The following SLC44A5 variants were observed in gnomAD, a reference collection of about 807,000 sequenced individuals.
SLC44A5 encodes choline transporter-like protein 5.
SLC44A5 carries 57 observed loss-of-function variants against 101.8 expected under a neutral mutation model. The observed-to-expected ratio is 0.56, with a 90% CI of 0.45 to 0.70. The LOEUF is 0.70. Among genes scored for constraint, SLC44A5 ranks in the 30% least tolerant of loss-of-function variants. The pLI is 0.00. For synonymous variants in SLC44A5, 281 were observed against 290.9 expected, an observed-to-expected ratio of 0.97 and a Z score of 0.35; for missense variants, 737 against 853.1, an observed-to-expected ratio of 0.86 and a Z score of 1.70.
At chr1:75,295,461 A>C (rs1443859287) in intron 5 of SLC44A5, among the ~76,000 whole-genome samples, 2 of 152,240 alleles carry the variant, frequency 1.3e-5, no homozygotes, top group African/African-American at 4.8e-5. Context: ...AGGATAGATC[A>C]GATTGACTCT....
At position 75,305,290 on chromosome 1, in the gene SLC44A5, G is replaced by A. The variant is rs563480214; in HGVS notation, c.102-4605C>T. 3.1e-3 allele frequency among the ~76,000 whole-genome samples: 469 copies of A among 152,162 alleles called. 3 individuals carry two copies. The highest frequency in any genetic ancestry group is 5.6e-3 in the Non-Finnish European group (380 of 67,988). ...CATCCACCCCTTTCTTTCTATTGAT[G>A]TTGCCTGGACTTAGTCCAGGGTTTT... On this transcript the variant is annotated intron_variant, in intron 4 of 23. Transcript: ENST00000370859.
the SLC44A5 span, among the ~76,000 whole-genome samples, chr1:75,630,752 T>A: frequency 6.6e-6 from 1 of 152,108 alleles, no homozygotes; most frequent in Non-Finnish European, 1.5e-5. Context: ...TAAGAAGAGA[T>A]CAGTGGATGC....
intron 6 of SLC44A5, among the ~76,000 whole-genome samples, chr1:75,272,325 ATTTC>A (rs1651545340): frequency 1.7e-5 from 1 of 57,606 alleles, no homozygotes. Context: ...ATTTGGTCCC[ATTTC>A]TTTTTTTTTT....
intron 2 of SLC44A5, among the ~76,000 whole-genome samples, chr1:75,507,482 G>T (rs2101859236): frequency 6.6e-6 from 1 of 152,218 alleles, no homozygotes. Flanking sequence ...TTGTGTCTAT[G>T]TTTATTAGGG....
At chr1:75,405,334 C>T (rs1264791062) in intron 2 of SLC44A5, among the ~76,000 whole-genome samples, 2 of 152,184 alleles carry the variant, frequency 1.3e-5, no homozygotes, top group Non-Finnish European at 2.9e-5. Context: ...AGGACTTGAA[C>T]TCAGCTCTGG....
chr1:75,712,714 A>AACG, the SLC44A5 span, among the ~76,000 whole-genome samples: 1 of 4,604 alleles, frequency 2.2e-4, no homozygotes, highest in Non-Finnish European at 5.3e-4. Context: ...AAAAAAAAAA[A>AACG]TGGAAAAGAA....
intron 3 of SLC44A5, among the ~76,000 whole-genome samples, chr1:75,366,834 C>T (rs746266941): frequency 2.6e-5 from 4 of 151,928 alleles, no homozygotes; most frequent in Non-Finnish European, 5.9e-5. Flanking sequence ...TTTTTCAGTT[C>T]TGTCATTGTA....
intron 5 of SLC44A5, among the ~76,000 whole-genome samples, chr1:75,292,793 G>A (rs554848162): frequency 6.6e-6 from 1 of 152,328 alleles, no homozygotes; most frequent in African/African-American, 2.4e-5. Context: ...AAAAGTATTA[G>A]TTGAAGATCA....
the SLC44A5 span, among the ~76,000 whole-genome samples, chr1:75,626,888 T>C: frequency 1.3e-5 from 2 of 152,156 alleles, no homozygotes; most frequent in South Asian, 4.1e-4. Flanking sequence ...CTATGTCATG[T>C]AAAGTTCTCC....
chr1:75,675,878 A>G, the SLC44A5 span, among the ~76,000 whole-genome samples: 2 of 152,208 alleles, frequency 1.3e-5, no homozygotes, highest in African/African-American at 4.8e-5. Flanking sequence ...CCCCATTAAA[A>G]GTGGGCAAAG....
the SLC44A5 span, among the ~76,000 whole-genome samples, chr1:75,653,818 C>T: frequency 2.0e-5 from 3 of 152,300 alleles, no homozygotes; most frequent in South Asian, 2.1e-4. Context: ...GTGCCTAAGT[C>T]AATTGTCAGA....
intron 1 of SLC44A5, among the ~76,000 whole-genome samples, chr1:75,550,896 A>T (rs1557898859): frequency 6.6e-6 from 1 of 152,178 alleles, no homozygotes. Context: ...ATGCTAAGAC[A>T]CTTCCACACT....
intron 11 of SLC44A5, among the ~76,000 whole-genome samples, chr1:75,236,541 T>C (rs1410037389): frequency 6.6e-6 from 1 of 151,992 alleles, no homozygotes; most frequent in Non-Finnish European, 1.5e-5. Flanking sequence ...TGAATACCAA[T>C]CATTACGTGG....
At chr1:75,253,202 T>C (rs1472446278) in intron 6 of SLC44A5, among the ~76,000 whole-genome samples, 1 of 152,184 alleles carries the variant, frequency 6.6e-6, no homozygotes, top group Admixed American at 6.5e-5. Context: ...ATGAATAAGC[T>C]AGAACCAGAA....
the SLC44A5 span, among the ~76,000 whole-genome samples, chr1:75,672,025 A>G: frequency 6.6e-6 from 1 of 151,346 alleles, no homozygotes; most frequent in African/African-American, 2.4e-5. Flanking sequence ...TTTCCACCAC[A>G]GCAACACCAA....
At chr1:75,677,594 G>A in the SLC44A5 span, 1 of 287,930 alleles carries the variant, frequency 3.5e-6, no homozygotes, top group Non-Finnish European at 6.8e-6. Flanking sequence ...AAAACAACTG[G>A]AAAACTAATA....
chr1:75,651,521 C>T, the SLC44A5 span, among the ~76,000 whole-genome samples: 1 of 151,794 alleles, frequency 6.6e-6, no homozygotes, highest in African/African-American at 2.4e-5. Flanking sequence ...ACGGTGAAAC[C>T]TCCTCTCTAC....
At chr1:75,633,824 C>G in the SLC44A5 span, among the ~76,000 whole-genome samples, 1 of 152,046 alleles carries the variant, frequency 6.6e-6, no homozygotes, top group Non-Finnish European at 1.5e-5. Context: ...TGCTTCCAGT[C>G]TTTGCCCATT....
chr1:75,446,114 T>A (rs1002539290), intron 2 of SLC44A5, among the ~76,000 whole-genome samples: 2 of 152,200 alleles, frequency 1.3e-5, no homozygotes, highest in African/African-American at 4.8e-5. Context: ...CCCCCATTAG[T>A]TCTACTCCCA....
Sources: allele counts gnomAD v4.1 joint callset (sites outside exome capture counted in the v4.1 genomes callset), GRCh38; gene constraint gnomAD v4.1.1; transcripts MANE v1.5; gene names NCBI Gene and HGNC (gene_info 2026-07-23, HGNC 2026-07-21).